DLC1: variants seen among roughly 807,000 people sequenced by gnomAD.
The protein encoded by DLC1 is rho GTPase-activating protein 7.
DLC1 carries 54 observed loss-of-function variants against 140.3 expected under a neutral mutation model. The ratio of observed to expected loss-of-function variants is 0.38; its 90% CI spans 0.31 to 0.48. The LOEUF (loss-of-function observed/expected upper bound fraction) is 0.48. DLC1 is among the 20% of genes least tolerant of loss of function. The pLI, the probability that DLC1 is intolerant of heterozygous loss-of-function variation, is 0.96. For synonymous variants in DLC1, 986 were observed against 728.1 expected, an observed-to-expected ratio of 1.35 and a Z score of -5.70; for missense variants, 2,536 against 1,907.0, an observed-to-expected ratio of 1.33 and a Z score of -6.14.
chr8:13,517,545 CT>C (rs1478221550), upstream of DLC1, among the ~76,000 whole-genome samples: 2 of 152,114 alleles, frequency 1.3e-5, no homozygotes, highest in Admixed American at 6.5e-5. Flanking sequence ...CTTATAAAGG[CT>C]TTACCAAATA....
At chr8:13,248,121 G>A (rs982657054) in intron 5 of DLC1, among the ~76,000 whole-genome samples, 4 of 152,186 alleles carry the variant, frequency 2.6e-5, no homozygotes, top group Admixed American at 2.6e-4. Flanking sequence ...AAGCTGCCCA[G>A]TTGTTAAATG....
chr8:13,567,342 A>G, intron 1 of DLC1: 1 of 1,551,748 alleles, frequency 6.4e-7, no homozygotes, highest in Non-Finnish European at 8.7e-7. Context: ...TATCAGATGA[A>G]GAATTGAATG....
At chr8:13,408,933 A>G (rs1837675731) in intron 2 of DLC1, among the ~76,000 whole-genome samples, 1 of 152,212 alleles carries the variant, frequency 6.6e-6, no homozygotes, top group Non-Finnish European at 1.5e-5. Flanking sequence ...TAGGAATATT[A>G]TGATGATCCT....
At chr8:13,148,440 C>CA (rs1321556126) in intron 5 of DLC1, among the ~76,000 whole-genome samples, 3 of 152,212 alleles carry the variant, frequency 2.0e-5, no homozygotes, top group Non-Finnish European at 2.9e-5. Context: ...GCTCCATCCA[C>CA]ATTCCCGCAA....
chr8:13,338,677 C>G (rs192360205), intron 4 of DLC1: 2 of 152,222 alleles, frequency 1.3e-5, no homozygotes, highest in African/African-American at 4.8e-5. Flanking sequence ...CTCATCTGTA[C>G]GTGAAGATAA....
Position 13,120,790 on chromosome 8 carries a change from C to G in DLC1, c.1349-5133G>C, listed in dbSNP as rs1372184860. Among the ~76,000 whole-genome samples, 5 of 152,014 alleles carry G rather than the reference C, an allele frequency of 3.3e-5. No homozygotes were observed. In the East Asian group the frequency reaches 5.8e-4, roughly 18 times the overall value. On this transcript the variant is annotated intron_variant, in intron 5 of 17. Coordinates refer to ENST00000276297, the MANE Select transcript of DLC1 (RefSeq NM_182643.3). Reference sequence around the variant, plus strand: ...CATTAGATGGATGAGTCCCGGACACCCTTTTGTGTATGGCTGGGAACCATT... The same window carrying G: ...CATTAGATGGATGAGTCCCGGACACGCTTTTGTGTATGGCTGGGAACCATT...
At chr8:13,398,374 A>G (rs1248715672) in intron 3 of DLC1, among the ~76,000 whole-genome samples, 3 of 152,200 alleles carry the variant, frequency 2.0e-5, no homozygotes, top group East Asian at 1.9e-4. Context: ...GGTGGAGAAA[A>G]TACAGAATGT....
chr8:13,141,953 C>T (rs1823026694), intron 5 of DLC1, among the ~76,000 whole-genome samples: 1 of 152,086 alleles, frequency 6.6e-6, no homozygotes, highest in South Asian at 2.1e-4. Flanking sequence ...AACTGTAATC[C>T]CCAGGTATTT....
At chr8:13,135,704 C>T (rs1822519948) in intron 5 of DLC1, among the ~76,000 whole-genome samples, 1 of 152,058 alleles carries the variant, frequency 6.6e-6, no homozygotes, top group Non-Finnish European at 1.5e-5. Context: ...TTTTTGTTTG[C>T]TGGTTAAAGT....
At chr8:13,475,137 C>T (rs932845153) in intron 2 of DLC1, among the ~76,000 whole-genome samples, 1 of 151,732 alleles carries the variant, frequency 6.6e-6, no homozygotes, top group Middle Eastern at 3.2e-3. Context: ...TTTAATAAGC[C>T]AAAGAGATCA....
At chr8:13,303,921 C>G (rs546813869) in intron 5 of DLC1, among the ~76,000 whole-genome samples, 1 of 152,346 alleles carries the variant, frequency 6.6e-6, no homozygotes, top group South Asian at 2.1e-4. Flanking sequence ...GAACTCTCTG[C>G]CTTCCTGTCT....
At chr8:13,180,165 A>C (rs552345254) in intron 5 of DLC1, among the ~76,000 whole-genome samples, 1 of 152,222 alleles carries the variant, frequency 6.6e-6, no homozygotes, top group African/African-American at 2.4e-5. Flanking sequence ...CAAAGGAAGC[A>C]GACTTACTGT....
Position 13,305,305 on chromosome 8 carries a change from G to GA in DLC1, c.1315-4dup, listed in dbSNP as rs752886435. 1.1e-4 allele frequency: 177 copies of GA among 1,586,948 alleles called. 1 individual carries two copies. Among genetic ancestry groups the GA allele is most frequent in the Middle Eastern group, 5.0e-4 (3 of 5,946 alleles). On this transcript the variant is annotated splice_polypyrimidine_tract_variant and splice_region_variant and intron_variant, in intron 4 of 17. Transcript: ENST00000276297. ...TTCTCTGAAATACCTTGAATAGCCTGAAAAAAAAGACACAAAAATTGTGGT... is the reference window on the plus strand; with the variant it reads ...TTCTCTGAAATACCTTGAATAGCCTGAAAAAAAAAGACACAAAAATTGTGGT...
intron 4 of DLC1, among the ~76,000 whole-genome samples, chr8:13,306,781 T>C (rs1369681802): frequency 6.6e-6 from 1 of 151,990 alleles, no homozygotes; most frequent in African/African-American, 2.4e-5. Context: ...GGTAAAGATT[T>C]CCTTATGGAT....
intron 2 of DLC1, among the ~76,000 whole-genome samples, chr8:13,432,948 T>A (rs77529091): frequency 6.7e-6 from 1 of 149,120 alleles, no homozygotes; most frequent in African/African-American, 2.5e-5. Flanking sequence ...CTTCCTTTTT[T>A]TTTTTTTTTT....
rs189710131 is a variant in DLC1, at chr8:13,128,049, A to C, written c.1349-12392T>G. ...AAGTAAGTCTAGTAGAACAAAAAAA[A>C]AAACCCCAAAAAAACAACAACCAAA... On this transcript the variant is annotated intron_variant, in intron 5 of 17. Coordinates refer to ENST00000276297, the MANE Select transcript of DLC1 (RefSeq NM_182643.3). Among the ~76,000 whole-genome samples the C allele has an allele frequency of 4.0e-4, 61 of 152,182 alleles. 2 individuals are homozygous for C. Among genetic ancestry groups the C allele is most frequent in the Admixed American group, 2.1e-3 (32 of 15,300 alleles).
chr8:13,494,275 G>A (rs1168405987), intron 2 of DLC1, among the ~76,000 whole-genome samples: 1 of 152,112 alleles, frequency 6.6e-6, no homozygotes, highest in Non-Finnish European at 1.5e-5. Flanking sequence ...AATATAAATT[G>A]TCCCTTACGT....
Position 13,133,057 on chromosome 8 carries a change from C to A in DLC1, c.1349-17400G>T, listed in dbSNP as rs185972289. 4,117 of 1,561,212 alleles carry A rather than the reference C, an allele frequency of 2.6e-3. 104 individuals are homozygous for A. The African/African-American group carries it at 0.05, about 19-fold the overall frequency. ...AGGCGGCTCGGCTTCCGCGTCGGGA[C>A]CCACGGCGGCACCCGAGACGCGCGC... On this transcript the variant is annotated intron_variant, in intron 5 of 17. Coordinates refer to ENST00000276297, the MANE Select transcript of DLC1 (RefSeq NM_182643.3).
intron 5 of DLC1, among the ~76,000 whole-genome samples, chr8:13,125,156 T>C (rs1821443800): frequency 6.6e-6 from 1 of 152,176 alleles, no homozygotes; most frequent in Non-Finnish European, 1.5e-5. Context: ...TTCGTATTTT[T>C]AGTAGAGACG....
Sources: gnomAD v4.1 joint callset for allele counts (sites outside exome capture counted in the v4.1 genomes callset) on GRCh38, gnomAD v4.1.1 for gene constraint, MANE v1.5 for transcripts, NCBI Gene and HGNC (gene_info 2026-07-23, HGNC 2026-07-21) for gene names.